Variants in ITGA2 observed in about 807,000 individuals in gnomAD.
ITGA2 encodes the protein integrin alpha-2.
Under a neutral mutation model 146.3 loss-of-function variants are expected in ITGA2, and 101 were observed. The ratio of observed to expected loss-of-function variants is 0.69; its 90% CI spans 0.59 to 0.81. The LOEUF (loss-of-function observed/expected upper bound fraction) is 0.81. Ranked by LOEUF, ITGA2 falls within the 40% of genes least tolerant of loss-of-function variation. The pLI, the probability that ITGA2 is intolerant of heterozygous loss-of-function variation, is 0.00. For missense variants in ITGA2, 1,281 were observed against 1,402.7 expected, an observed-to-expected ratio of 0.91 and a Z score of 1.39; for synonymous variants, 477 against 487.1, an observed-to-expected ratio of 0.98 and a Z score of 0.27.
chr5:53,018,045 C>T (rs1742482265), intron 1 of ITGA2, among the ~76,000 whole-genome samples: 1 of 152,056 alleles, frequency 6.6e-6, no homozygotes, highest in African/African-American at 2.4e-5. Flanking sequence ...AGGAAGCACT[C>T]TGGTTGGGCA....
chr5:53,048,584 A>G, intron 5 of ITGA2, 59 bp from the exon 6 acceptor site: 1 of 1,612,884 alleles, frequency 6.2e-7, no homozygotes, highest in Non-Finnish European at 8.5e-7. Context: ...TCATTTTTAT[A>G]TGGCTGTGAA....
intron 13 of ITGA2, 40 bp from the exon 14 acceptor site, chr5:53,064,872 A>G (rs1238111816): frequency 6.4e-7 from 1 of 1,574,400 alleles, no homozygotes; most frequent in African/African-American, 1.4e-5. Flanking sequence ...TACAAGTTGT[A>G]AGGTTTGCTT....
rs374701439 is a variant in ITGA2 at position 53,026,768 on chromosome 5, G to A, written c.85G>A (p.Ala29Thr). Residue 29 changes from alanine to threonine, a missense_variant, in exon 2 of 30, where the codon GCC becomes ACC. By Grantham distance (58) the Ala-to-Thr change is moderately conservative. This residue lies in a region of ITGA2 where 795 missense variants were observed against 841.7 expected (regional missense o/e 0.94). Coordinates refer to ENST00000296585, the MANE Select transcript of ITGA2 (RefSeq NM_002203.4). ...AATAGGCATTTTAAATTGTTGTTTG[G>A]CCTACAATGTTGGTCTCCCAGAAGC... ...LSQGILNCCL[A>T]YNVGLPEAKI... 6.4e-5 allele frequency: 103 copies of A among 1,610,788 alleles called. No homozygotes were observed. Among genetic ancestry groups the A allele is most frequent in the Non-Finnish European group, 8.4e-5 (99 of 1,177,284 alleles).
chr5:53,031,792 C>G (rs1379581527), intron 2 of ITGA2, among the ~76,000 whole-genome samples: 5 of 152,230 alleles, frequency 3.3e-5, no homozygotes, highest in Non-Finnish European at 1.5e-5. Context: ...GGTCTGTTCT[C>G]TTTTCGGTGT....
chr5:53,064,208 T>C (rs185745833), intron 13 of ITGA2, among the ~76,000 whole-genome samples: 2 of 152,088 alleles, frequency 1.3e-5, no homozygotes, highest in African/African-American at 2.4e-5. Flanking sequence ...AATTAAGATA[T>C]TGTGTTTTAT....
At position 53,094,002 on chromosome 5, in the gene ITGA2, A is replaced by G. The variant is rs1446020832; in HGVS notation, c.*3403A>G. 1.3e-5 allele frequency: 2 copies of G among 152,600 alleles called. No individual in the cohort carries two copies. The highest frequency in any genetic ancestry group is 2.9e-5 in the Non-Finnish European group (2 of 68,014). 9.5% of individuals were successfully genotyped at this position (152,600 alleles called of 1,614,324 possible). ...AGAGTAAAACTAAAGCCAATTTATTATAGTCACACAAGTGATTATACTAAA... is the reference window on the plus strand; with the variant it reads ...AGAGTAAAACTAAAGCCAATTTATTGTAGTCACACAAGTGATTATACTAAA... On this transcript the variant is annotated 3_prime_UTR_variant, in exon 30 of 30. Transcript: ENST00000296585.
intron 1 of ITGA2, among the ~76,000 whole-genome samples, chr5:53,007,488 T>TGAGAGAGAGAAACGGGGA (rs1491504074): frequency 5.3e-5 from 8 of 151,752 alleles, no homozygotes; most frequent in African/African-American, 9.7e-5. Flanking sequence ...TATGCTATTT[T>TGAGAGAGAGAAACGGGGA]GAGAGAGAGA....
At chr5:53,037,464 G>C (rs1266275201) in intron 2 of ITGA2, among the ~76,000 whole-genome samples, 1 of 152,188 alleles carries the variant, frequency 6.6e-6, no homozygotes, top group Non-Finnish European at 1.5e-5. Flanking sequence ...CTTGGTAACA[G>C]TTTCTCTTGG....
At chr5:53,037,291 A>C (rs1368205538) in intron 2 of ITGA2, among the ~76,000 whole-genome samples, 2 of 152,256 alleles carry the variant, frequency 1.3e-5, no homozygotes, top group Non-Finnish European at 2.9e-5. Context: ...CACTGGAGGA[A>C]AAGAAAAGTT....
intron 1 of ITGA2, among the ~76,000 whole-genome samples, chr5:52,989,921 CT>C (rs1210976189): frequency 6.6e-6 from 1 of 152,170 alleles, no homozygotes; most frequent in African/African-American, 2.4e-5. Context: ...CCAACTTCCC[CT>C]GGCTCAGACA....
chr5:53,065,135 G>A lies in ITGA2; in HGVS notation c.1806+20G>A. ...TCCCAGGTAATCCATGAGCTGTTAT[G>A]GTGATGTATGTATTTGTGGGTCTTA... On this transcript the variant is annotated intron_variant, in intron 14 of 29. Coordinates refer to ENST00000296585, the MANE Select transcript of ITGA2 (RefSeq NM_002203.4). The A allele has an allele frequency of 6.2e-7, 1 of 1,606,978 alleles. No homozygotes were observed. The highest frequency in any genetic ancestry group is 8.5e-7 in the Non-Finnish European group (1 of 1,174,228).
intron 28 of ITGA2, among the ~76,000 whole-genome samples, chr5:53,087,956 A>G (rs757553309): frequency 1.1e-4 from 16 of 152,196 alleles, no homozygotes; most frequent in Admixed American, 5.2e-4. Context: ...CTGAGAGTGA[A>G]GCTCACAGCA....
chr5:53,041,667 A>G (rs1743803314), intron 2 of ITGA2, among the ~76,000 whole-genome samples: 1 of 152,210 alleles, frequency 6.6e-6, no homozygotes, highest in African/African-American at 2.4e-5. Flanking sequence ...TAAAATCTAC[A>G]CTGAAGTTCA....
At chr5:53,037,073 A>T (rs1402943934) in intron 2 of ITGA2, among the ~76,000 whole-genome samples, 4 of 152,240 alleles carry the variant, frequency 2.6e-5, no homozygotes, top group African/African-American at 9.6e-5. Context: ...CCAAAGGAAG[A>T]TATTTATAAC....
intron 28 of ITGA2, 140 bp downstream of exon 28, chr5:53,087,181 T>C (rs2112042551): frequency 2.8e-6 from 2 of 719,592 alleles, no homozygotes; most frequent in African/African-American, 1.7e-5. Flanking sequence ...ATGTTTATTA[T>C]GTTGAGATTT....
intron 23 of ITGA2, among the ~76,000 whole-genome samples, chr5:53,078,321 A>T (rs1745754064): frequency 6.6e-6 from 1 of 152,102 alleles, no homozygotes; most frequent in Non-Finnish European, 1.5e-5. Context: ...ATGAACACTG[A>T]AGGAGCTCAA....
chr5:53,089,201 A>C (rs1402757298), intron 28 of ITGA2: 1 of 152,134 alleles, frequency 6.6e-6, no homozygotes, highest in Non-Finnish European at 1.5e-5. Context: ...AATAAAACAC[A>C]TATTATCCTC....
intron 1 of ITGA2, among the ~76,000 whole-genome samples, chr5:53,016,469 G>A (rs1579802277): frequency 6.6e-6 from 1 of 152,106 alleles, no homozygotes; most frequent in East Asian, 1.9e-4. Flanking sequence ...TAGCCTGATG[G>A]GGTTCCCTTT....
intron 6 of ITGA2, among the ~76,000 whole-genome samples, chr5:53,050,111 G>C (rs569717964): frequency 1.6e-4 from 24 of 152,248 alleles, no homozygotes; most frequent in African/African-American, 5.1e-4. Flanking sequence ...GTTTTCATAT[G>C]TATCTCCTTA....
Sources: allele counts gnomAD v4.1 joint callset (sites outside exome capture counted in the v4.1 genomes callset), GRCh38; gene constraint gnomAD v4.1.1; regional missense constraint gnomAD v4.1.1; transcripts MANE v1.5; gene names NCBI Gene and HGNC (gene_info 2026-07-23, HGNC 2026-07-21).